Variants in PPP1R12B observed in about 807,000 individuals in gnomAD.
PPP1R12B encodes the protein protein phosphatase 1 regulatory subunit 12B.
A neutral mutation model predicts 126.1 loss-of-function variants in PPP1R12B; 76 were observed. The observed-to-expected ratio is 0.60, with a 90% confidence interval of 0.50 to 0.73. PPP1R12B has a LOEUF of 0.73. PPP1R12B is among the 30% of genes least tolerant of loss of function. The pLI is 0.00. For synonymous variants in PPP1R12B, 356 were observed against 434.7 expected (o/e 0.82, Z 2.25); for missense variants, 1,052 against 1,205.1 (o/e 0.87, Z 1.88).
intron 1 of PPP1R12B, among the ~76,000 whole-genome samples, chr1:202,359,331 G>T (rs1657715987): frequency 6.6e-6 from 1 of 151,886 alleles, no homozygotes; most frequent in African/African-American, 2.4e-5. Flanking sequence ...GATTTCACAT[G>T]TTGGCCAGGC....
At chr1:202,405,233 A>G (rs1227902998) in intron 1 of PPP1R12B, among the ~76,000 whole-genome samples, 3 of 152,148 alleles carry the variant, frequency 2.0e-5, no homozygotes, top group African/African-American at 7.2e-5. Flanking sequence ...AACGCAGTCT[A>G]AAGCCCCTCA....
chr1:202,426,945 G>C, intron 4 of PPP1R12B, 95 bp from the exon 5 acceptor site: 1 of 1,509,708 alleles, frequency 6.6e-7, no homozygotes, highest in East Asian at 2.3e-5. Flanking sequence ...TGTGGTTCAG[G>C]GCCAAAATCT....
intron 8 of PPP1R12B, among the ~76,000 whole-genome samples, chr1:202,433,271 T>G (rs556511836): frequency 5.8e-4 from 89 of 152,334 alleles, no homozygotes; most frequent in African/African-American, 1.9e-3. Flanking sequence ...ATCACTTTTG[T>G]TAGTTGCCAA....
At chr1:202,540,223 G>A (rs574599307) in intron 18 of PPP1R12B, 6 of 1,605,776 alleles carry the variant, frequency 3.7e-6, no homozygotes, top group African/African-American at 2.7e-5. Context: ...CTCCCTCCCC[G>A]ACTGCCAAGA....
At chr1:202,370,536 G>A (rs1660029802) in intron 1 of PPP1R12B, among the ~76,000 whole-genome samples, 1 of 132,888 alleles carries the variant, frequency 7.5e-6, no homozygotes, top group Non-Finnish European at 1.7e-5. Context: ...GGGTTATAGA[G>A]TATATAATTT....
At chr1:202,547,563 T>C (rs1277532397) in intron 18 of PPP1R12B, among the ~76,000 whole-genome samples, 1 of 152,198 alleles carries the variant, frequency 6.6e-6, no homozygotes, top group African/African-American at 2.4e-5. Flanking sequence ...AAATTGCAAG[T>C]GGCTATTTTA....
At chr1:202,382,388 G>A (rs1172260510) in intron 1 of PPP1R12B, among the ~76,000 whole-genome samples, 6 of 149,784 alleles carry the variant, frequency 4.0e-5, no homozygotes, top group East Asian at 2.0e-4. Context: ...AAACCTGCAC[G>A]TTGTGCACAT....
chr1:202,459,316 C>T lies in PPP1R12B; in HGVS notation c.1850+10145C>T, dbSNP rs572865275. On this transcript the variant is annotated intron_variant, in intron 13 of 23. Coordinates refer to ENST00000608999, the MANE Select transcript of PPP1R12B (RefSeq NM_002481.4). ...TACTGTTATTATGGGGCAGAGGGAG[C>T]AGGAGGGCATGAAGGAATATTAATT... is the stretch of plus-strand genomic sequence containing the variant. 5.3e-5 allele frequency among the ~76,000 whole-genome samples: 8 copies of T among 152,084 alleles called. No homozygotes were observed. In the East Asian group the frequency reaches 1.5e-3, roughly 29 times the overall value.
At chr1:202,399,950 G>A (rs1308372983) in intron 1 of PPP1R12B, among the ~76,000 whole-genome samples, 1 of 151,996 alleles carries the variant, frequency 6.6e-6, no homozygotes, top group Non-Finnish European at 1.5e-5. Flanking sequence ...CCATCACCCA[G>A]TTAGCAAGTG....
At chr1:202,552,232 C>T (rs1686403128) in intron 18 of PPP1R12B, among the ~76,000 whole-genome samples, 1 of 152,216 alleles carries the variant, frequency 6.6e-6, no homozygotes, top group Non-Finnish European at 1.5e-5. Flanking sequence ...GTTCCACCCT[C>T]ACATTTATTT....
chr1:202,558,297 C>CTTT (rs753434842), intron 18 of PPP1R12B, among the ~76,000 whole-genome samples: 1 of 145,692 alleles, frequency 6.9e-6, no homozygotes. Flanking sequence ...AGAGTACCTA[C>CTTT]TTTTTTTTTT....
intron 18 of PPP1R12B, among the ~76,000 whole-genome samples, chr1:202,499,183 A>G (rs558386767): frequency 1.3e-5 from 2 of 152,342 alleles, no homozygotes; most frequent in South Asian, 4.1e-4. Context: ...ATCTATGGTG[A>G]TAGAAATCAG....
chr1:202,515,417 TA>T (rs1201532007), intron 18 of PPP1R12B, among the ~76,000 whole-genome samples: 1 of 152,224 alleles, frequency 6.6e-6, no homozygotes, highest in Non-Finnish European at 1.5e-5. Flanking sequence ...CTTATGTAGC[TA>T]GAAAATCTGC....
intron 23 of PPP1R12B, among the ~76,000 whole-genome samples, 157 bp from the exon 24 acceptor site, chr1:202,580,317 T>C (rs1488886748): frequency 6.6e-6 from 1 of 152,164 alleles, no homozygotes; most frequent in Non-Finnish European, 1.5e-5. Flanking sequence ...AAAAGGAAGA[T>C]TGAAGGGAAT....
chr1:202,556,507 T>A (rs1055072414), intron 18 of PPP1R12B, among the ~76,000 whole-genome samples: 31 of 152,202 alleles, frequency 2.0e-4, no homozygotes, highest in Admixed American at 5.2e-4. Flanking sequence ...TATGTTTTTT[T>A]AAAAAATGTA....
chr1:202,493,158 C>T lies in PPP1R12B; in HGVS notation c.1986C>T (p.Ser662=). 2 of 1,612,148 alleles carry T rather than the reference C, an allele frequency of 1.2e-6. No homozygotes were observed. The highest frequency in any genetic ancestry group is 4.5e-5 in the East Asian group (2 of 44,894). ...TTCAAGAAGCAGAAAGGACATTCAG[C>T]CGGTCGAGGGCAGAGAGGCAAGCTC... is the stretch of plus-strand genomic sequence containing the variant. ...TDLQEAERTF[S]RSRAERQAQE... The change falls in exon 15 of 24, where the codon AGC becomes AGT. Residue 662 remains serine, a synonymous_variant. Transcript: ENST00000608999.
chr1:202,362,662 T>A lies in PPP1R12B; in HGVS notation c.291+13520T>A, dbSNP rs151078605. Among the ~76,000 whole-genome samples the A allele has an allele frequency of 1.6e-3, 245 of 151,772 alleles. 2 individuals are homozygous for A. The highest frequency in any genetic ancestry group is 5.6e-3 in the African/African-American group (233 of 41,478). On this transcript the variant is annotated intron_variant, in intron 1 of 23. Transcript: ENST00000608999. ...ATCAGCAAGGCCCAGGGTTTTTGTT[T>A]TTTTTTTTTGTAATAAGGAAATAAC...
chr1:202,427,118 G>T lies in PPP1R12B; in HGVS notation c.780G>T (p.Trp260Cys), dbSNP rs781711946. 1.2e-6 allele frequency: 2 copies of T among 1,614,150 alleles called. No individual in the cohort carries two copies. The highest frequency in any genetic ancestry group is 3.3e-5 in the Admixed American group (2 of 60,000). Residue 260 changes from tryptophan (W) to cysteine (C), a missense_variant, in exon 5 of 24, where the codon TGG becomes TGT. Trp to Cys is a radical substitution (Grantham distance 215). Transcript: ENST00000608999. The part of the protein sequence containing the change: ...GWTPLHAAAH[W>C]GVKEACSILA... ...CTCCCCTCCATGCTGCTGCACACTGGGGAGTGAAGGAGGCTTGCTCCATCC... is the reference window on the plus strand; with the variant it reads ...CTCCCCTCCATGCTGCTGCACACTGTGGAGTGAAGGAGGCTTGCTCCATCC...
chr1:202,439,260 C>A, intron 10 of PPP1R12B: 1 of 1,392,888 alleles, frequency 7.2e-7, no homozygotes, highest in Non-Finnish European at 1.0e-6. Flanking sequence ...GGCTGTCCTC[C>A]ACAGAGGCAA....
Sources: gnomAD v4.1 joint callset for allele counts (sites outside exome capture counted in the v4.1 genomes callset) on GRCh38, gnomAD v4.1.1 for gene constraint, MANE v1.5 for transcripts, NCBI Gene and HGNC (gene_info 2026-07-23, HGNC 2026-07-21) for gene names.